FAM20C: variants seen among roughly 807,000 people sequenced by gnomAD.
FAM20C encodes FAM20C golgi associated secretory pathway kinase.
A neutral mutation model predicts 51.5 loss-of-function variants in FAM20C; 40 were observed. The ratio of observed to expected loss-of-function variants is 0.78; its 90% confidence interval spans 0.60 to 1.01. The LOEUF (loss-of-function observed/expected upper bound fraction) is 1.01, where lower values mean the gene tolerates loss of function less well. FAM20C is among the 50% of genes least tolerant of loss of function. FAM20C has a pLI of 0.00. For synonymous variants in FAM20C, 406 were observed against 380.6 expected (o/e 1.07, Z -0.78); for missense variants, 861 against 844.7 (o/e 1.02, Z -0.24).
intron 1 of FAM20C, among the ~76,000 whole-genome samples, chr7:194,428 C>T (rs2115037506): frequency 6.6e-6 from 1 of 150,788 alleles, no homozygotes; most frequent in Middle Eastern, 3.4e-3. Flanking sequence ...CGGCCCCTCC[C>T]TCCGCCACAC....
chr7:258,178 CTGAGGTG>C (rs1788699090), intron 8 of FAM20C, among the ~76,000 whole-genome samples: 4 of 120,058 alleles, frequency 3.3e-5, no homozygotes, highest in African/African-American at 1.0e-4. Context: ...GACCCACTGC[CTGAGGTG>C]CTGGAGATAG....
chr7:207,135 G>T (rs1237295051), intron 2 of FAM20C, among the ~76,000 whole-genome samples: 1 of 17,276 alleles, frequency 5.8e-5, no homozygotes, highest in African/African-American at 2.7e-4. Flanking sequence ...GTGACGCGTC[G>T]GTCACTGTCC....
rs1269123203 is a variant in FAM20C at position 234,013 on chromosome 7, C to G, written c.864-12402C>G. The stretch of plus-strand genomic sequence containing the variant: ...GCAGCTCCTGGGAACTGGTCCTGGG[C>G]AGACCCCAGAAGATGTGGGCATCAC... On this transcript the variant is annotated intron_variant, in intron 3 of 9. Coordinates refer to ENST00000313766, the MANE Select transcript of FAM20C (RefSeq NM_020223.4). Among the ~76,000 whole-genome samples the G allele has an allele frequency of 3.3e-5, 5 of 152,298 alleles. No homozygotes were observed. The East Asian group carries it at 9.7e-4, about 29-fold the overall frequency.
Position 247,828 on chromosome 7 carries a change from G to A in FAM20C, c.957-487G>A, listed in dbSNP as rs960649700. Among the ~76,000 whole-genome samples, 7 of 152,150 alleles carry A rather than the reference G, an allele frequency of 4.6e-5. No individual in the cohort carries two copies. In the East Asian group the frequency reaches 9.6e-4, roughly 21 times the overall value. The stretch of plus-strand genomic sequence containing the variant: ...GAGGCGTGGTCGGGCCTTGGGTCCC[G>A]GGTCGGCCCTGGCAGACGGCCCACG... On this transcript the variant is annotated intron_variant, in intron 4 of 9. Transcript: ENST00000313766.
chr7:212,334 G>A (rs1009002037), intron 3 of FAM20C, among the ~76,000 whole-genome samples: 2 of 152,190 alleles, frequency 1.3e-5, no homozygotes, highest in Admixed American at 6.5e-5. Flanking sequence ...GTGGTGGTTT[G>A]TGCCTGTGAT....
chr7:216,837 G>C (rs1787006738), intron 3 of FAM20C, among the ~76,000 whole-genome samples: 1 of 152,098 alleles, frequency 6.6e-6, no homozygotes, highest in African/African-American at 2.4e-5. Context: ...TTGCGGGGCT[G>C]ACACAGTATT....
chr7:203,539 C>T (rs534779729), intron 2 of FAM20C, among the ~76,000 whole-genome samples: 6 of 152,304 alleles, frequency 3.9e-5, no homozygotes, highest in Admixed American at 1.3e-4. Flanking sequence ...GCTTGTGTGT[C>T]GGTCTTTGCA....
At chr7:230,510 C>A in intron 3 of FAM20C, among the ~76,000 whole-genome samples, 1 of 152,220 alleles carries the variant, frequency 6.6e-6, no homozygotes, top group South Asian at 2.1e-4. Flanking sequence ...CCTGTGGGGC[C>A]GTGGGTGGAT....
At chr7:199,885 C>T (rs192432076) in intron 2 of FAM20C, among the ~76,000 whole-genome samples, 12 of 152,258 alleles carry the variant, frequency 7.9e-5, no homozygotes, top group Middle Eastern at 3.4e-3. Flanking sequence ...TGTGAGGATT[C>T]GGGCAGCTTC....
Position 253,819 on chromosome 7 carries a change from A to G in FAM20C, c.1073-2030A>G, listed in dbSNP as rs145072657. On this transcript the variant is annotated intron_variant, in intron 5 of 9. Transcript: ENST00000313766. ...AAATGCCTTTCTCTTTTAACACGAT[A>G]CCATCTGAAACCGGCTTAGGCGAGG... 4.5e-3 allele frequency among the ~76,000 whole-genome samples: 680 copies of G among 152,332 alleles called. 9 individuals are homozygous for G. Among genetic ancestry groups the G allele is most frequent in the African/African-American group, 0.016 (652 of 41,582 alleles).
At chr7:201,947 G>A (rs543451741) in intron 2 of FAM20C, among the ~76,000 whole-genome samples, 93 of 152,346 alleles carry the variant, frequency 6.1e-4, no homozygotes, top group Non-Finnish European at 1.2e-3. Flanking sequence ...ACATTAACTA[G>A]CCATGTTAAC....
intron 5 of FAM20C, among the ~76,000 whole-genome samples, chr7:253,054 C>CT (rs1002794337): frequency 9.9e-5 from 15 of 152,236 alleles, no homozygotes; most frequent in Admixed American, 2.0e-4. Flanking sequence ...TCCGCTTCGC[C>CT]TTTTTTCCTG....
chr7:206,469 T>C (rs924499206), intron 2 of FAM20C, among the ~76,000 whole-genome samples: 2 of 140,880 alleles, frequency 1.4e-5, no homozygotes, highest in Admixed American at 1.4e-4. Flanking sequence ...TGTGATGCGT[T>C]GGCCCTGGTC....
In FAM20C at chr7:214,478, C is replaced by T. The variant is rs1199063620; in HGVS notation, c.863+5502C>T. Among the ~76,000 whole-genome samples the T allele has an allele frequency of 3.3e-5, 5 of 152,192 alleles. No homozygotes were observed. The East Asian group carries it at 5.8e-4, about 18-fold the overall frequency. ...TAATTACGTTTGAATGCTGAAAGCA[C>T]GTGTGTTAGGCGAAGAGTGGTGCGG... On this transcript the variant is annotated intron_variant, in intron 3 of 9. Transcript: ENST00000313766.
intron 3 of FAM20C, among the ~76,000 whole-genome samples, chr7:226,125 G>A (rs2115106166): frequency 6.6e-6 from 1 of 152,326 alleles, no homozygotes; most frequent in African/African-American, 2.4e-5. Context: ...AGGGTGTGTG[G>A]CCTGGAGTGC....
chr7:233,450 G>A (rs1287405260), intron 3 of FAM20C, among the ~76,000 whole-genome samples: 5 of 152,142 alleles, frequency 3.3e-5, no homozygotes, highest in Admixed American at 6.5e-5. Context: ...AACAAATCAC[G>A]GCAAACGCAG....
intron 2 of FAM20C, among the ~76,000 whole-genome samples, chr7:201,413 G>A (rs2115051214): frequency 6.6e-6 from 1 of 152,316 alleles, no homozygotes; most frequent in Middle Eastern, 3.4e-3. Context: ...GTTAGAAAGG[G>A]TTCCTGCTCC....
chr7:222,801 GTGTATGCA>G lies in FAM20C; in HGVS notation c.863+13829_863+13836del, dbSNP rs1787287732. Among the ~76,000 whole-genome samples the G allele has an allele frequency of 2.0e-5, 3 of 152,150 alleles. No homozygotes were observed. The South Asian group carries it at 6.2e-4, about 32-fold the overall frequency. ...GTGAGCGTGTGGGTGTGCATTGCCT[GTGTATGCA>G]TGTGTATGAGTGTGTAAGGGCATGT... On this transcript the variant is annotated intron_variant, in intron 3 of 9. Coordinates refer to ENST00000313766, the MANE Select transcript of FAM20C (RefSeq NM_020223.4).
chr7:229,164 G>A, intron 3 of FAM20C: 1 of 285,876 alleles, frequency 3.5e-6, no homozygotes, highest in Non-Finnish European at 7.0e-6. Context: ...AGCACCTCCG[G>A]GTTTGTGTGA....
Sources: gnomAD v4.1 joint callset for allele counts (sites outside exome capture counted in the v4.1 genomes callset) on GRCh38, gnomAD v4.1.1 for gene constraint, MANE v1.5 for transcripts, NCBI Gene and HGNC (gene_info 2026-07-23, HGNC 2026-07-21) for gene names.